SLC2A14: variants seen among roughly 807,000 people sequenced by gnomAD.
SLC2A14 encodes solute carrier family 2, facilitated glucose transporter member 14.
In SLC2A14, 13 loss-of-function variants were observed where a neutral mutation model predicts 43.0. The ratio of observed to expected loss-of-function variants is 0.30; its 90% confidence interval spans 0.20 to 0.48. The LOEUF (loss-of-function observed/expected upper bound fraction) is 0.48, where lower values mean the gene tolerates loss of function less well. SLC2A14 is among the 20% of genes least tolerant of loss of function. The pLI is 0.99. For synonymous variants in SLC2A14, 190 were observed against 233.8 expected, an observed-to-expected ratio of 0.81 and a Z score of 1.71; for missense variants, 428 against 620.4, an observed-to-expected ratio of 0.69 and a Z score of 3.29.
chr12:7,826,861 T>TTTTCTTTC lies in SLC2A14; in HGVS notation c.864+626_864+633dup, dbSNP rs71038779. Among the ~76,000 whole-genome samples the TTTTCTTTC allele has an allele frequency of 8.9e-3, 536 of 60,278 alleles. 15 individuals carry two copies. The highest frequency in any genetic ancestry group is 0.022 in the East Asian group (47 of 2,164). The allele number at this position is 60,278 out of a possible 152,430, so 39.5% of individuals were successfully genotyped here. Reference sequence around the variant, plus strand: ...TCCTTCCTTCCTTCCTTCCTTTCTTTTTTCTTTCTTTCTTTCTTTCTTTCT... The same window carrying TTTTCTTTC: ...TCCTTCCTTCCTTCCTTCCTTTCTTTTTTCTTTCTTTCTTTCTTTCTTTCTTTCTTTCT... On this transcript the variant is annotated intron_variant, in intron 7 of 10. Transcript: ENST00000431042.
At chr12:7,825,782 G>GAAAGA (rs1864311086) in intron 7 of SLC2A14, among the ~76,000 whole-genome samples, 2 of 61,932 alleles carry the variant, frequency 3.2e-5, no homozygotes, top group Admixed American at 3.3e-4. Flanking sequence ...AAAAAAAAAA[G>GAAAGA]AAAGAAAAGA....
intron 7 of SLC2A14, among the ~76,000 whole-genome samples, chr12:7,826,940 C>T (rs1864488274): frequency 7.5e-6 from 1 of 132,538 alleles, no homozygotes; most frequent in Non-Finnish European, 1.6e-5. Context: ...CCTTTCCTTT[C>T]CTTTCTTTCC....
intron 1 of SLC2A14, among the ~76,000 whole-genome samples, chr12:7,879,937 C>T (rs1411998292): frequency 2.0e-5 from 3 of 151,098 alleles, no homozygotes; most frequent in Non-Finnish European, 2.9e-5. Flanking sequence ...ACCTGGAAGG[C>T]GGAGGTTGCA....
intron 2 of SLC2A14, among the ~76,000 whole-genome samples, chr12:7,857,500 A>G (rs1944318468): frequency 5.9e-5 from 9 of 152,066 alleles, no homozygotes; most frequent in Admixed American, 5.9e-4. Flanking sequence ...AGGTAGGAGA[A>G]TCACTTGAAG....
chr12:7,837,685 CT>C (rs57484495), intron 2 of SLC2A14, among the ~76,000 whole-genome samples: 109,417 of 112,552 alleles, frequency 0.97, 53,193 homozygotes, highest in South Asian at 0.99. Context: ...CATTTTTCTT[CT>C]TTTTTTTTTT....
At chr12:7,868,386 C>G (rs937181077) in intron 2 of SLC2A14, among the ~76,000 whole-genome samples, 12 of 152,170 alleles carry the variant, frequency 7.9e-5, no homozygotes, top group Non-Finnish European at 1.5e-4. Context: ...TTCTGACTCA[C>G]TTTATTGGAT....
At position 7,862,319 on chromosome 12, in the gene SLC2A14, G is replaced by C. The variant is rs966311079; in HGVS notation, c.18+7544C>G. ...CACCAAACTGCATGCGGTGGCACAT[G>C]TCTGTAATACCAGCACTTTGGAAGG... On this transcript the variant is annotated intron_variant, in intron 2 of 10. Transcript: ENST00000431042. Among the ~76,000 whole-genome samples the C allele has an allele frequency of 5.4e-5, 8 of 149,420 alleles. 1 individual carries two copies. The highest frequency in any genetic ancestry group is 4.0e-4 in the Admixed American group (6 of 15,006).
chr12:7,888,810 A>G (rs111304678), intron 1 of SLC2A14, among the ~76,000 whole-genome samples: 9 of 147,092 alleles, frequency 6.1e-5, no homozygotes, highest in South Asian at 2.1e-4. Flanking sequence ...AAAAAAAAAA[A>G]AAAAAGAAAA....
Position 7,817,900 on chromosome 12 carries a change from C to A in SLC2A14, c.1206G>T (p.Ala402=), listed in dbSNP as rs780123440. The stretch of plus-strand genomic sequence containing the variant: ...AGTTGGAGCAGCCGGCCACTGCCAT[C>A]GCAGCTGGGCGGGGGCCCTGGCTGA... ...ELFSQGPRPA[A]MAVAGCSNWT... The change falls in exon 10 of 11, where the codon GCG becomes GCT. Residue 402 remains alanine, a synonymous_variant. Coordinates refer to ENST00000431042, the MANE Select transcript of SLC2A14 (RefSeq NM_001286234.2). The A allele has an allele frequency of 3.1e-6, 5 of 1,614,082 alleles. No homozygotes were observed. Among genetic ancestry groups the A allele is most frequent in the Admixed American group, 1.7e-5 (1 of 59,992 alleles).
intron 1 of SLC2A14, among the ~76,000 whole-genome samples, chr12:7,871,667 A>G (rs1034619555): frequency 2.6e-5 from 4 of 152,036 alleles, no homozygotes; most frequent in Non-Finnish European, 4.4e-5. Context: ...TACTGAGAGA[A>G]AGCCCCCAAG....
At chr12:7,842,708 CTCTT>C (rs1311473811) in intron 2 of SLC2A14, among the ~76,000 whole-genome samples, 3 of 150,464 alleles carry the variant, frequency 2.0e-5, no homozygotes, top group Non-Finnish European at 3.0e-5. Flanking sequence ...CTCACATCTA[CTCTT>C]TCTTTTTCTC....
chr12:7,873,107 C>T (rs1382755127), upstream of SLC2A14: 3 of 985,432 alleles, frequency 3.0e-6, no homozygotes, highest in East Asian at 1.1e-4. Context: ...CCAGCCCCGG[C>T]GGCTGCTGGG....
At chr12:7,839,854 G>C (rs1005108442) in intron 2 of SLC2A14, 1 of 445,968 alleles carries the variant, frequency 2.2e-6, no homozygotes, top group Non-Finnish European at 4.4e-6. Context: ...CGGGAGGATC[G>C]CTTGAGTCCA....
chr12:7,882,361 C>T (rs939922024), intron 1 of SLC2A14, among the ~76,000 whole-genome samples: 1 of 151,952 alleles, frequency 6.6e-6, no homozygotes, highest in Non-Finnish European at 1.5e-5. Flanking sequence ...ATCTGAACAT[C>T]AGAAGGAACA....
chr12:7,838,302 G>A (rs1430919753), intron 2 of SLC2A14, among the ~76,000 whole-genome samples: 1 of 149,470 alleles, frequency 6.7e-6, no homozygotes, highest in Non-Finnish European at 1.5e-5. Flanking sequence ...TGGCCAGGCT[G>A]GTCTTGAACT....
upstream of SLC2A14, among the ~76,000 whole-genome samples, chr12:7,875,081 A>G (rs1212031866): frequency 6.2e-5 from 4 of 64,896 alleles, no homozygotes; most frequent in African/African-American, 2.4e-4. Flanking sequence ...ATTATATTTA[A>G]TATTCTATTT....
intron 6 of SLC2A14, among the ~76,000 whole-genome samples, chr12:7,828,340 G>A (rs1481122404): frequency 6.7e-6 from 1 of 149,006 alleles, no homozygotes; most frequent in Non-Finnish European, 1.5e-5. Context: ...ACTACAGCCT[G>A]GGCAACAGAG....
chr12:7,888,433 C>G (rs1945721909), intron 1 of SLC2A14, among the ~76,000 whole-genome samples: 1 of 152,070 alleles, frequency 6.6e-6, no homozygotes, highest in Admixed American at 6.6e-5. Context: ...CATGCAAAAG[C>G]AATACGATTA....
At chr12:7,848,677 TC>T (rs1441515479) in intron 2 of SLC2A14, among the ~76,000 whole-genome samples, 1 of 151,592 alleles carries the variant, frequency 6.6e-6, no homozygotes. Context: ...TGCCTCAGCC[TC>T]CCGAGTAGCT....
Sources: allele counts gnomAD v4.1 joint callset (sites outside exome capture counted in the v4.1 genomes callset), GRCh38; gene constraint gnomAD v4.1.1; transcripts MANE v1.5; gene names NCBI Gene and HGNC (gene_info 2026-07-23, HGNC 2026-07-21).